Variants in MRPL10 observed in about 807,000 individuals in gnomAD.
The protein encoded by MRPL10 is mitochondrial ribosomal protein L10, also known as large ribosomal subunit protein uL10m.
A neutral mutation model predicts 19.8 loss-of-function variants in MRPL10; 14 were observed. The ratio of observed to expected loss-of-function variants is 0.71; its 90% confidence interval spans 0.47 to 1.11. MRPL10 has a LOEUF of 1.11. MRPL10 is among the 50% of genes least tolerant of loss of function. The pLI, the probability that MRPL10 is intolerant of heterozygous loss-of-function variation, is 0.00. For synonymous variants in MRPL10, 129 were observed against 139.2 expected (o/e 0.93, Z 0.52); for missense variants, 318 against 339.6 (o/e 0.94, Z 0.50).
rs776214534 is a variant in MRPL10, at chr17:47,824,336, G to A, written c.655C>T (p.His219Tyr). 1.2e-5 allele frequency: 19 copies of A among 1,613,962 alleles called. No homozygotes were observed. Among genetic ancestry groups the A allele is most frequent in the South Asian group, 1.1e-4 (10 of 91,062 alleles). ...AGGGGCTGGTGCTGGAGCAGGGAGT[G>A]GGTCTGGGCTGTGAGGCAGGTGAGG... ...GGLTCLTAQT[H>Y]SLLQHQPLQL... The change falls in exon 5 of 5, where the codon CAC becomes TAC. Residue 219 changes from histidine (H) to tyrosine (Y), a missense_variant. His to Tyr is a moderately conservative substitution (Grantham distance 83). Coordinates refer to ENST00000351111, the MANE Select transcript of MRPL10 (RefSeq NM_145255.4).
Position 47,824,278 on chromosome 17 carries a change from C to A in MRPL10, c.713G>T (p.Arg238Ile). Residue 238 changes from arginine (R) to isoleucine (I), a missense_variant, in exon 5 of 5, where the codon AGA becomes ATA. Physicochemically the swap from Arg to Ile is moderately conservative, Grantham distance 97. Transcript: ENST00000351111. Reference sequence around the variant, plus strand: ...GACAGAATCCTTCTCGCGTTGCTCTCTGATGTACTGGTCCAACAGGGTGGT... The same window carrying A: ...GACAGAATCCTTCTCGCGTTGCTCTATGATGTACTGGTCCAACAGGGTGGT... ...QLTTLLDQYI[R>I]EQREKDSVMS... The A allele has an allele frequency of 6.2e-7, 1 of 1,614,178 alleles. No individual in the cohort carries two copies. Among genetic ancestry groups the A allele is most frequent in the Non-Finnish European group, 8.5e-7 (1 of 1,180,036 alleles).
intron 1 of MRPL10, among the ~76,000 whole-genome samples, chr17:47,829,904 A>AAG (rs1555633954): frequency 4.0e-5 from 6 of 151,852 alleles, no homozygotes; most frequent in African/African-American, 1.5e-4. Context: ...CAAAAAAAAA[A>AAG]AAAGAAAGAA....
At chr17:47,828,888 C>T (rs1323289146) in intron 1 of MRPL10, among the ~76,000 whole-genome samples, 2 of 152,188 alleles carry the variant, frequency 1.3e-5, no homozygotes, top group Non-Finnish European at 2.9e-5. Flanking sequence ...TCTCTTGAGG[C>T]TACCATTTCT....
intron 1 of MRPL10, among the ~76,000 whole-genome samples, 187 bp from the exon 2 acceptor site, chr17:47,828,857 G>A (rs1160991818): frequency 1.3e-5 from 2 of 152,206 alleles, no homozygotes; most frequent in East Asian, 1.9e-4. Flanking sequence ...TTCAGTAAGT[G>A]ACCCGAGGTC....
At chr17:47,825,870 T>G (rs564039463) in intron 4 of MRPL10, among the ~76,000 whole-genome samples, 1 of 152,100 alleles carries the variant, frequency 6.6e-6, no homozygotes, top group South Asian at 2.1e-4. Context: ...CCAGGAGCGG[T>G]GGCTCATGCC....
At chr17:47,825,985 GA>G (rs35625408) in intron 4 of MRPL10, among the ~76,000 whole-genome samples, 44,062 of 145,986 alleles carry the variant, frequency 0.3, 7,964 homozygotes, top group East Asian at 0.63. Flanking sequence ...CTAAAAATAC[GA>G]AAAAAAAAAA....
At chr17:47,828,044 G>T (rs984515369) in intron 2 of MRPL10, among the ~76,000 whole-genome samples, 3 of 150,136 alleles carry the variant, frequency 2.0e-5, no homozygotes, top group East Asian at 2.0e-4. Flanking sequence ...CTCTACTAAA[G>T]ATGCAAAAAT....
intron 3 of MRPL10, 33 bp from the exon 4 acceptor site, chr17:47,826,814 G>A (rs1340935210): frequency 1.2e-6 from 2 of 1,613,350 alleles, no homozygotes; most frequent in Non-Finnish European, 1.7e-6. Flanking sequence ...GCTTATCGGG[G>A]ACAAGTGGGA....
chr17:47,831,181 G>A (rs543202495), intron 1 of MRPL10: 64 of 752,618 alleles, frequency 8.5e-5, no homozygotes, highest in Admixed American at 4.3e-4. Flanking sequence ...AGGAGTCAAG[G>A]GAAGACCTGA....
intron 3 of MRPL10, 122 bp from the exon 4 acceptor site, chr17:47,826,903 G>C: frequency 6.7e-7 from 1 of 1,482,886 alleles, no homozygotes; most frequent in Non-Finnish European, 9.2e-7. Flanking sequence ...CTAATCATAG[G>C]TTAGACACCA....
At chr17:47,830,631 G>A (rs1019282434) in intron 1 of MRPL10, among the ~76,000 whole-genome samples, 2 of 151,832 alleles carry the variant, frequency 1.3e-5, no homozygotes, top group African/African-American at 4.8e-5. Flanking sequence ...TCAGCCTCCT[G>A]AGTAGCGGGG....
chr17:47,829,539 C>G (rs932401692), intron 1 of MRPL10: 1 of 152,236 alleles, frequency 6.6e-6, no homozygotes, highest in African/African-American at 2.4e-5. Context: ...TCTAGTGGCT[C>G]TCAAGGTATG....
At position 47,824,435 on chromosome 17, in the gene MRPL10, G is replaced by C. The variant is rs750562656; in HGVS notation, c.556C>G (p.Leu186Val). ...LLGGCIDDTI[L>V]SRQGFINYSK... ...TAGTTGATAAAGCCCTGCCTGCTGA[G>C]GATGGTGTCATCAATGCAGCCACCT... The change falls in exon 5 of 5, where the codon CTC becomes GTC. Residue 186 changes from leucine (L) to valine (V), a missense_variant. By Grantham distance (32) the Leu-to-Val change is conservative. Coordinates refer to ENST00000351111, the MANE Select transcript of MRPL10 (RefSeq NM_145255.4). 2 of 1,552,788 alleles carry C rather than the reference G, an allele frequency of 1.3e-6. No homozygotes were observed. Among genetic ancestry groups the C allele is most frequent in the Non-Finnish European group, 1.7e-6 (2 of 1,149,876 alleles).
intron 1 of MRPL10, chr17:47,829,264 G>GA (rs773681262): frequency 2.3e-5 from 2 of 85,502 alleles, no homozygotes; most frequent in South Asian, 3.1e-4. Flanking sequence ...CTCCGTCTCA[G>GA]AAAAAAAAAG....
Position 47,826,706 on chromosome 17 carries a change from C to T in MRPL10, c.463G>A (p.Val155Ile). The part of the protein sequence containing the change: ...PLFVGHNMLL[V>I]SEEPKVKEMV... ...TCCTTGACCTTGGGCTCTTCACTGA[C>T]CAGCAGCATGTTGTGCCCCACAAAA... The change falls in exon 4 of 5, where the codon GTC becomes ATC. Residue 155 changes from valine (V) to isoleucine (I), a missense_variant. Coordinates refer to ENST00000351111, the MANE Select transcript of MRPL10 (RefSeq NM_145255.4). 6.2e-7 allele frequency: 1 copy of T among 1,614,190 alleles called. No homozygotes were observed. Among genetic ancestry groups the T allele is most frequent in the Non-Finnish European group, 8.5e-7 (1 of 1,180,038 alleles).
At chr17:47,824,529 T>A in intron 4 of MRPL10, 71 bp from the exon 5 acceptor site, 1 of 1,487,324 alleles carries the variant, frequency 6.7e-7, no homozygotes, top group Non-Finnish European at 8.9e-7. Flanking sequence ...ATTCTGACCC[T>A]AGTAACTTGC....
rs569865995 is a variant in MRPL10 at position 47,828,925 on chromosome 17, T to C, written c.53-255A>G. 1.2e-4 allele frequency among the ~76,000 whole-genome samples: 18 copies of C among 152,116 alleles called. 1 individual carries two copies. Among genetic ancestry groups the C allele is most frequent in the African/African-American group, 4.3e-4 (18 of 41,504 alleles). ...TAGCTCTTCTCAATGTGCAGAAATG[T>C]GAGAAAAAAATGAGAACAAAGGAGA... On this transcript the variant is annotated intron_variant, in intron 1 of 4. Coordinates refer to ENST00000351111, the MANE Select transcript of MRPL10 (RefSeq NM_145255.4).
intron 4 of MRPL10, among the ~76,000 whole-genome samples, chr17:47,826,146 CAAAAAAAAA>C (rs67519028): frequency 4.0e-5 from 3 of 74,202 alleles, no homozygotes; most frequent in Non-Finnish European, 7.6e-5. Context: ...GACTCCATCT[CAAAAAAAAA>C]AAAAAAAAAA....
chr17:47,824,535 C>T, intron 4 of MRPL10, 77 bp from the exon 5 acceptor site: 1 of 1,483,052 alleles, frequency 6.7e-7, no homozygotes, highest in Non-Finnish European at 8.9e-7. Context: ...ACCCTAGTAA[C>T]TTGCTCTCCA....
Sources: gnomAD v4.1 joint callset for allele counts (sites outside exome capture counted in the v4.1 genomes callset) on GRCh38, gnomAD v4.1.1 for gene constraint, MANE v1.5 for transcripts, NCBI Gene and HGNC (gene_info 2026-07-23, HGNC 2026-07-21) for gene names.